Variants in HPSE2 observed in about 807,000 individuals in gnomAD.
The protein encoded by HPSE2 is inactive heparanase-2.
HPSE2 carries 38 observed loss-of-function variants against 60.5 expected under a neutral mutation model. The observed-to-expected ratio is 0.63, with a 90% CI of 0.48 to 0.82. The LOEUF (loss-of-function observed/expected upper bound fraction) is 0.82, where lower values mean the gene tolerates loss of function less well. Ranked by LOEUF, HPSE2 falls within the 40% of genes least tolerant of loss-of-function variation. HPSE2 has a pLI of 0.00. For missense variants in HPSE2, 713 were observed against 740.4 expected (o/e 0.96, Z 0.43); for synonymous variants, 295 against 293.2 (o/e 1.01, Z -0.06).
intron 3 of HPSE2, among the ~76,000 whole-genome samples, chr10:98,751,783 T>C (rs1366848386): frequency 2.6e-5 from 4 of 152,146 alleles, no homozygotes; most frequent in African/African-American, 7.2e-5. Context: ...AAACATGCAA[T>C]GGAAAGGGGC....
At chr10:98,977,335 A>G (rs984668623) in intron 3 of HPSE2, among the ~76,000 whole-genome samples, 2 of 152,210 alleles carry the variant, frequency 1.3e-5, no homozygotes, top group Admixed American at 6.5e-5. Flanking sequence ...AAAAAGGCTG[A>G]TTTACAACAT....
chr10:98,618,346 C>G (rs1162745000), intron 8 of HPSE2, among the ~76,000 whole-genome samples: 1 of 152,188 alleles, frequency 6.6e-6, no homozygotes, highest in Non-Finnish European at 1.5e-5. Flanking sequence ...CCATGAAGGT[C>G]TGCAGTATTT....
chr10:98,520,711 G>A (rs1005195870), intron 9 of HPSE2, among the ~76,000 whole-genome samples: 1 of 152,186 alleles, frequency 6.6e-6, no homozygotes, highest in African/African-American at 2.4e-5. Context: ...GTGTATTGTT[G>A]TACCTTAAAG....
At chr10:98,865,129 T>G (rs11189846) in intron 3 of HPSE2, among the ~76,000 whole-genome samples, 1,654 of 152,172 alleles carry the variant, frequency 0.011, 26 homozygotes, top group African/African-American at 0.037. Flanking sequence ...TACTCCTAGT[T>G]AGGAGAGGAA....
At chr10:98,798,151 C>A (rs1374907945) in intron 3 of HPSE2, among the ~76,000 whole-genome samples, 1 of 151,994 alleles carries the variant, frequency 6.6e-6, no homozygotes, top group Admixed American at 6.6e-5. Flanking sequence ...ACCTCACACT[C>A]CAGGAGAAGA....
At chr10:99,240,371 G>C (rs115302610), upstream of HPSE2, among the ~76,000 whole-genome samples, 15 of 150,966 alleles carry the variant, frequency 9.9e-5, no homozygotes, top group East Asian at 2.0e-4. Flanking sequence ...AGTATTGCAA[G>C]ATGTACAGCT....
intron 3 of HPSE2, among the ~76,000 whole-genome samples, chr10:98,839,275 T>G (rs925505224): frequency 6.6e-6 from 1 of 152,200 alleles, no homozygotes; most frequent in Non-Finnish European, 1.5e-5. Flanking sequence ...GCATTGCTGT[T>G]GCATATGATA....
intron 3 of HPSE2, among the ~76,000 whole-genome samples, chr10:98,764,515 C>T (rs1286394630): frequency 6.6e-6 from 1 of 152,060 alleles, no homozygotes; most frequent in Non-Finnish European, 1.5e-5. Context: ...CAATTATACA[C>T]TATGACAAGA....
intron 3 of HPSE2, among the ~76,000 whole-genome samples, chr10:99,045,603 T>C (rs541151354): frequency 1.3e-5 from 2 of 151,898 alleles, no homozygotes; most frequent in East Asian, 3.9e-4. Context: ...AGATTAGCAA[T>C]GAAAAAAGAG....
At chr10:99,173,452 G>A (rs1847395879) in intron 2 of HPSE2, among the ~76,000 whole-genome samples, 1 of 152,168 alleles carries the variant, frequency 6.6e-6, no homozygotes, top group Middle Eastern at 3.2e-3. Flanking sequence ...AAGGTAGACA[G>A]TGATGCCCTT....
intron 3 of HPSE2, among the ~76,000 whole-genome samples, chr10:98,842,452 A>G (rs1951937188): frequency 6.6e-6 from 1 of 151,708 alleles, no homozygotes; most frequent in Admixed American, 6.6e-5. Context: ...TGTCATGTCA[A>G]TGATGTAAAG....
chr10:98,832,578 G>C (rs1005142078), intron 3 of HPSE2, among the ~76,000 whole-genome samples: 1 of 152,186 alleles, frequency 6.6e-6, no homozygotes, highest in African/African-American at 2.4e-5. Context: ...AAAAGTCTAG[G>C]TGAGGTAGCT....
chr10:98,777,974 T>C (rs1055982986), intron 3 of HPSE2, among the ~76,000 whole-genome samples: 4 of 151,986 alleles, frequency 2.6e-5, no homozygotes, highest in African/African-American at 9.7e-5. Flanking sequence ...ACCAACTCTA[T>C]ACATACAGGG....
At chr10:99,067,361 C>T (rs1261503048) in intron 3 of HPSE2, among the ~76,000 whole-genome samples, 1 of 152,210 alleles carries the variant, frequency 6.6e-6, no homozygotes, top group Non-Finnish European at 1.5e-5. Context: ...TGTGGGGGCT[C>T]TGACCCCACA....
chr10:98,673,639 C>G lies in HPSE2; in HGVS notation c.1004+20261G>C, dbSNP rs562772828. Among the ~76,000 whole-genome samples, 6 of 152,298 alleles carry G rather than the reference C, an allele frequency of 3.9e-5. No individual in the cohort carries two copies. The South Asian group carries it at 1.2e-3, about 32-fold the overall frequency. On this transcript the variant is annotated intron_variant, in intron 6 of 11. Transcript: ENST00000370552. ...CTTCTTTGGACCAGGTGTTTATACT[C>G]AGCCTGTCTGTCTGGGTAAATGCTT...
chr10:98,827,009 G>A (rs1182317050), intron 3 of HPSE2, among the ~76,000 whole-genome samples: 1 of 151,852 alleles, frequency 6.6e-6, no homozygotes, highest in African/African-American at 2.4e-5. Flanking sequence ...AAATTAGCTG[G>A]GTGTCGTGGT....
chr10:98,899,480 A>C (rs1953598291), intron 3 of HPSE2, among the ~76,000 whole-genome samples: 1 of 152,196 alleles, frequency 6.6e-6, no homozygotes, highest in Non-Finnish European at 1.5e-5. Flanking sequence ...GAAAACAAAC[A>C]GCCAAATTTT....
intron 3 of HPSE2, among the ~76,000 whole-genome samples, chr10:98,755,339 T>C (rs913803482): frequency 6.6e-6 from 1 of 152,178 alleles, no homozygotes; most frequent in African/African-American, 2.4e-5. Flanking sequence ...TAAACATATA[T>C]GCACTCAACA....
At chr10:99,077,726 GT>G (rs1842995241) in intron 3 of HPSE2, among the ~76,000 whole-genome samples, 10 of 151,668 alleles carry the variant, frequency 6.6e-5, no homozygotes, top group Admixed American at 6.6e-4. Flanking sequence ...ATATATGTGT[GT>G]GTGTGTGTGT....
Sources: allele counts gnomAD v4.1 joint callset (sites outside exome capture counted in the v4.1 genomes callset), GRCh38; gene constraint gnomAD v4.1.1; transcripts MANE v1.5; gene names NCBI Gene and HGNC (gene_info 2026-07-23, HGNC 2026-07-21).